Variants in CYP4V2 observed in about 807,000 individuals in gnomAD.
The protein encoded by CYP4V2 is cytochrome P450 family 4 subfamily V member 2, also known as cytochrome P450 4V2.
CYP4V2 carries 55 observed loss-of-function variants against 60.8 expected under a neutral mutation model. The observed-to-expected ratio is 0.90, with a 90% CI of 0.73 to 1.13. CYP4V2 has a LOEUF of 1.13. Among genes scored for constraint, CYP4V2 ranks in the 50% most tolerant of loss-of-function variants. The pLI, the probability that CYP4V2 is intolerant of heterozygous loss-of-function variation, is 0.00. For synonymous variants in CYP4V2, 239 were observed against 236.8 expected, an observed-to-expected ratio of 1.01 and a Z score of -0.08; for missense variants, 675 against 662.9, an observed-to-expected ratio of 1.02 and a Z score of -0.20.
In CYP4V2 at chr4:186,194,709, T is replaced by C; in HGVS notation, c.327+97T>C. 9.4e-6 allele frequency: 11 copies of C among 1,169,514 alleles called. No homozygotes were observed. In the South Asian group the frequency reaches 1.4e-4, roughly 15 times the overall value. The allele number at this position is 1,169,514 out of a possible 1,614,324, so 72.4% of individuals were successfully genotyped here. On this transcript the variant is annotated intron_variant, in intron 2 of 10. Coordinates refer to ENST00000378802, the MANE Select transcript of CYP4V2 (RefSeq NM_207352.4). ...TAACGTGTCCTTATATTTCAGCCAT[T>C]TCAGCACAAAAAACATTCCACTAAG...
chr4:186,199,942 C>T (rs1323813380), intron 6 of CYP4V2, among the ~76,000 whole-genome samples: 1 of 151,982 alleles, frequency 6.6e-6, no homozygotes, highest in Non-Finnish European at 1.5e-5. Context: ...TACACCCTAC[C>T]CCCAAGAGAG....
intron 7 of CYP4V2, chr4:186,202,612 GCA>G (rs1181001025): frequency 6.6e-6 from 1 of 151,488 alleles, no homozygotes; most frequent in Non-Finnish European, 1.5e-5. Context: ...GTAAACCCAT[GCA>G]CACACATGCA....
chr4:186,203,888 GCA>G (rs1326330440), intron 7 of CYP4V2: 3 of 152,176 alleles, frequency 2.0e-5, no homozygotes, highest in African/African-American at 7.2e-5. Flanking sequence ...GAAGATTTCT[GCA>G]CAGAGAATGA....
In CYP4V2 at chr4:186,199,084, G is replaced by C; in HGVS notation, c.801+1G>C. ...GATCCTACATACTTTTACCAACAGT[G>C]TAAGTCCCTGACTTTTACAATTGTG... On this transcript the variant is annotated splice_donor_variant, in intron 6 of 10. Coordinates refer to ENST00000378802, the MANE Select transcript of CYP4V2 (RefSeq NM_207352.4). LOFTEE classifies it high-confidence loss of function. 1 of 1,613,124 alleles carries C rather than the reference G, an allele frequency of 6.2e-7. No homozygotes were observed. Among genetic ancestry groups the C allele is most frequent in the Non-Finnish European group, 8.5e-7 (1 of 1,179,126 alleles).
chr4:186,209,409 C>T, intron 10 of CYP4V2, 137 bp downstream of exon 10: 4 of 1,083,600 alleles, frequency 3.7e-6, no homozygotes, highest in Non-Finnish European at 5.4e-6. Flanking sequence ...TTCTTTTTTC[C>T]CTCACTGTGC....
chr4:186,196,121 A>G lies in CYP4V2; in HGVS notation c.413+33A>G. The G allele has an allele frequency of 2.6e-6, 4 of 1,556,378 alleles. No individual in the cohort carries two copies. The South Asian group carries it at 4.5e-5, about 17-fold the overall frequency. On this transcript the variant is annotated intron_variant, in intron 3 of 10. Coordinates refer to ENST00000378802, the MANE Select transcript of CYP4V2 (RefSeq NM_207352.4). ...AGTGTACCTTTGTAAAGCTGTCTAT[A>G]GAAATGGTTACTTCTACGTGCAACT...
rs1338366118 is a variant in CYP4V2 at position 186,191,794 on chromosome 4, G to C, written c.-30G>C. 6.6e-7 allele frequency: 1 copy of C among 1,507,434 alleles called. No individual in the cohort carries two copies. Among genetic ancestry groups the C allele is most frequent in the Non-Finnish European group, 8.8e-7 (1 of 1,134,238 alleles). 93.4% of individuals were successfully genotyped at this position (1,507,434 alleles called of 1,614,324 possible). On this transcript the variant is annotated 5_prime_UTR_variant, in exon 1 of 11. Transcript: ENST00000378802. ...GCCCCCGCGGGCCCGCACTTTCCCG[G>C]AGTGCACCCCGCGGCCGCCAGCCGG... is the stretch of plus-strand genomic sequence containing the variant.
chr4:186,202,188 T>C (rs1464979198), intron 7 of CYP4V2: 1 of 152,212 alleles, frequency 6.6e-6, no homozygotes, highest in East Asian at 1.9e-4. Context: ...CATTCCAGAG[T>C]TCTGTCACAA....
chr4:186,192,741 A>G (rs887743433), intron 1 of CYP4V2, among the ~76,000 whole-genome samples: 1 of 152,010 alleles, frequency 6.6e-6, no homozygotes, highest in Non-Finnish European at 1.5e-5. Context: ...GGTATTTACA[A>G]CTCCCTGTCA....
rs190464918 is a variant in CYP4V2, at chr4:186,195,871, A to C, written c.328-132A>C. ...TGAATGTCTTTGAGGCACAGGACTG[A>C]AAATGAACGACGGAGAAAATAAATG... On this transcript the variant is annotated intron_variant, in intron 2 of 10. Coordinates refer to ENST00000378802, the MANE Select transcript of CYP4V2 (RefSeq NM_207352.4). This position sits in a 1 kb window ranked among gnomAD's most constrained non-coding sequence, Gnocchi z 4.1. The C allele has an allele frequency of 3.3e-3, 2,345 of 710,188 alleles. 9 individuals carry two copies. Among genetic ancestry groups the C allele is most frequent in the Non-Finnish European group, 4.6e-3 (1,830 of 402,068 alleles). The allele number at this position is 710,188 out of a possible 1,614,324, so 44.0% of individuals were successfully genotyped here.
chr4:186,206,006 G>C (rs549834824), intron 8 of CYP4V2, among the ~76,000 whole-genome samples: 5 of 152,292 alleles, frequency 3.3e-5, no homozygotes, highest in African/African-American at 4.8e-5. Flanking sequence ...GGACACCCGA[G>C]TCAAAGATCA....
rs1048696496 is a variant in CYP4V2, at chr4:186,197,391, A to G, written c.605-142A>G. ...GAGTAGAAGTGGACCGTACAAGAGA[A>G]GAGGGTAAAGGGAGGAAGAAGAATT... On this transcript the variant is annotated intron_variant, in intron 4 of 10. Transcript: ENST00000378802. 5.3e-6 allele frequency: 5 copies of G among 942,662 alleles called. No homozygotes were observed. The Admixed American group carries it at 7.7e-5, about 15-fold the overall frequency. 58.4% of individuals were successfully genotyped at this position (942,662 alleles called of 1,614,324 possible). A position where few individuals can be genotyped will look rare whatever the true frequency, so the allele number is the denominator to read the frequency against.
intron 7 of CYP4V2, chr4:186,204,562 C>T (rs1381639209): frequency 1.6e-5 from 3 of 185,632 alleles, no homozygotes; most frequent in African/African-American, 7.2e-5. Flanking sequence ...GTTTCTGCCT[C>T]TGTTTCCCAC....
chr4:186,209,573 C>T (rs1217362100), intron 10 of CYP4V2, among the ~76,000 whole-genome samples: 3 of 152,142 alleles, frequency 2.0e-5, no homozygotes, highest in Admixed American at 6.5e-5. Flanking sequence ...AAGGTGTTGG[C>T]AGGGCTGGTT....
rs771398250 is a variant in CYP4V2 at position 186,209,141 on chromosome 4, C to T, written c.1274C>T (p.Ala425Val). ...ACTGAAGCCGTCATCATTCCCTATG[C>T]ATTGCACAGAGATCCGAGATACTTC... ...KGTEAVIIPY[A>V]LHRDPRYFPN... Residue 425 changes from alanine (A) to valine (V), a missense_variant, in exon 10 of 11, where the codon GCA becomes GTA. Physicochemically the swap from Ala to Val is moderately conservative, Grantham distance 64. Coordinates refer to ENST00000378802, the MANE Select transcript of CYP4V2 (RefSeq NM_207352.4). The T allele has an allele frequency of 4.3e-6, 7 of 1,614,154 alleles. No individual in the cohort carries two copies. The highest frequency in any genetic ancestry group is 5.9e-6 in the Non-Finnish European group (7 of 1,180,022).
chr4:186,198,547 G>T (rs62350519), intron 5 of CYP4V2, among the ~76,000 whole-genome samples: 2 of 151,876 alleles, frequency 1.3e-5, no homozygotes, highest in Non-Finnish European at 2.9e-5. Flanking sequence ...GAGAGCCCTC[G>T]CTTGTAGAAG....
At chr4:186,192,577 C>G (rs898927515) in intron 1 of CYP4V2, among the ~76,000 whole-genome samples, 5 of 152,210 alleles carry the variant, frequency 3.3e-5, no homozygotes, top group Admixed American at 2.0e-4. Flanking sequence ...AATTAAGAGA[C>G]GGCAGGGCCT....
intron 4 of CYP4V2, 82 bp downstream of exon 4, chr4:186,197,212 C>T: frequency 6.6e-7 from 1 of 1,505,436 alleles, no homozygotes; most frequent in Non-Finnish European, 9.2e-7. Flanking sequence ...ACCGGGAAGG[C>T]AAATGGGGGG....
At position 186,196,161 on chromosome 4, in the gene CYP4V2, T is replaced by C. The variant is rs1736141463; in HGVS notation, c.413+73T>C. The C allele has an allele frequency of 6.2e-6, 8 of 1,287,590 alleles. No homozygotes were observed. In the Admixed American group the frequency reaches 1.0e-4, roughly 17 times the overall value. The allele number at this position is 1,287,590 out of a possible 1,614,324, so 79.8% of individuals were successfully genotyped here. A position where few individuals can be genotyped will look rare whatever the true frequency, so the allele number is the denominator to read the frequency against. ...TACGTGCAACTTGTTATTTCAAGAA[T>C]TAACACAGGGTAGCTTTTTCTGTAG... On this transcript the variant is annotated intron_variant, in intron 3 of 10. Coordinates refer to ENST00000378802, the MANE Select transcript of CYP4V2 (RefSeq NM_207352.4).
Sources: gnomAD v4.1 joint callset for allele counts (sites outside exome capture counted in the v4.1 genomes callset) on GRCh38, gnomAD v4.1.1 for gene constraint, Gnocchi (gnomAD v3.1) non-coding constraint, MANE v1.5 for transcripts, NCBI Gene and HGNC (gene_info 2026-07-23, HGNC 2026-07-21) for gene names.